The following PAK1 variants were observed in gnomAD, a reference collection of about 807,000 sequenced individuals.
The protein encoded by PAK1 is p21 (RAC1) activated kinase 1.
Under a neutral mutation model 67.4 loss-of-function variants are expected in PAK1, and 29 were observed. The observed-to-expected ratio is 0.43, with a 90% confidence interval of 0.32 to 0.59. PAK1 has a LOEUF of 0.59. Among genes scored for constraint, PAK1 ranks in the 20% least tolerant of loss-of-function variants. PAK1 has a pLI of 0.07. For synonymous variants in PAK1, 223 were observed against 237.4 expected (o/e 0.94, Z 0.56); for missense variants, 337 against 670.7 (o/e 0.50, Z 5.50).
intron 9 of PAK1, among the ~76,000 whole-genome samples, chr11:77,346,872 C>T (rs1043413874): frequency 1.3e-5 from 2 of 152,214 alleles, no homozygotes; most frequent in Admixed American, 1.3e-4. Flanking sequence ...AAGCCTCTTC[C>T]AGTCTGTTCT....
At chr11:77,428,334 C>T (rs990093357) in intron 1 of PAK1, among the ~76,000 whole-genome samples, 7 of 151,952 alleles carry the variant, frequency 4.6e-5, no homozygotes, top group South Asian at 2.1e-4. Flanking sequence ...GAGACCGAGG[C>T]GGGCAGATCA....
intron 14 of PAK1, among the ~76,000 whole-genome samples, chr11:77,329,871 A>G (rs961715429): frequency 2.0e-5 from 3 of 152,246 alleles, no homozygotes; most frequent in African/African-American, 7.2e-5. Context: ...ACATGATTGT[A>G]TATTTAGAAA....
At chr11:77,402,036 G>A (rs1952765539) in intron 1 of PAK1, among the ~76,000 whole-genome samples, 1 of 152,076 alleles carries the variant, frequency 6.6e-6, no homozygotes, top group Admixed American at 6.5e-5. Flanking sequence ...GAATCAGCCA[G>A]TTTTATTTTT....
intron 5 of PAK1, among the ~76,000 whole-genome samples, chr11:77,365,262 A>AG (rs1947359971): frequency 1.2e-5 from 1 of 86,594 alleles, no homozygotes; most frequent in South Asian, 5.1e-4. Context: ...AAAAAAAAAA[A>AG]AAAAAAGAAA....
chr11:77,431,160 T>C (rs1229839452), intron 1 of PAK1, among the ~76,000 whole-genome samples: 2 of 152,178 alleles, frequency 1.3e-5, no homozygotes, highest in African/African-American at 4.8e-5. Context: ...ATTTATTTAG[T>C]GCATTTTTGC....
rs574527448 is a variant in PAK1 at position 77,453,710 on chromosome 11, T to A, written c.-22+19842A>T. Among the ~76,000 whole-genome samples, 17 of 152,292 alleles carry A rather than the reference T, an allele frequency of 1.1e-4. No homozygotes were observed. In the East Asian group the frequency reaches 2.5e-3, roughly 22 times the overall value. Reference sequence around the variant, plus strand: ...CCCTGTAACAGCCAAATAATTCATATAATGCCCCAGGGTAAGACTGCAGAG... The same window carrying A: ...CCCTGTAACAGCCAAATAATTCATAAAATGCCCCAGGGTAAGACTGCAGAG... On this transcript the variant is annotated intron_variant, in intron 1 of 14. Coordinates refer to ENST00000356341, the MANE Select transcript of PAK1 (RefSeq NM_002576.5).
chr11:77,500,755 G>A, the PAK1 span, among the ~76,000 whole-genome samples: 213 of 152,036 alleles, frequency 1.4e-3, 1 homozygote, highest in Middle Eastern at 3.5e-3. Context: ...GAGGCAGGAG[G>A]ATTGCTTGAG....
In PAK1 at chr11:77,429,056, T is replaced by TAAAAAAAAAAAAA. The variant is rs566874549; in HGVS notation, c.-21-36528_-21-36516dup. Among the ~76,000 whole-genome samples the TAAAAAAAAAAAAA allele has an allele frequency of 7.1e-4, 35 of 48,988 alleles. 7 individuals carry two copies. Among genetic ancestry groups the TAAAAAAAAAAAAA allele is most frequent in the Non-Finnish European group, 8.6e-4 (27 of 31,488 alleles). The allele number at this position is 48,988 out of a possible 152,430, so 32.1% of individuals were successfully genotyped here. On this transcript the variant is annotated intron_variant, in intron 1 of 14. Coordinates refer to ENST00000356341, the MANE Select transcript of PAK1 (RefSeq NM_002576.5). Reference sequence around the variant, plus strand: ...TTGGATTCTAAATGCCATTTAATACTAAAAAAAAAAAAAAAAAAAAAAAAA... The same window carrying TAAAAAAAAAAAAA: ...TTGGATTCTAAATGCCATTTAATACTAAAAAAAAAAAAAAAAAAAAAAAAAAAAAAAAAAAAAA...
intron 1 of PAK1, among the ~76,000 whole-genome samples, chr11:77,429,056 TAAAAA>T (rs566874549): frequency 7.4e-4 from 36 of 48,974 alleles, no homozygotes; most frequent in East Asian, 5.0e-3. Flanking sequence ...CATTTAATAC[TAAAAA>T]AAAAAAAAAA....
intron 1 of PAK1, among the ~76,000 whole-genome samples, chr11:77,464,507 T>G (rs12271542): frequency 0.25 from 37,323 of 152,178 alleles, 5,664 homozygotes; most frequent in South Asian, 0.46. Flanking sequence ...GTATTATTTA[T>G]GAGTGTATCC....
intron 1 of PAK1, among the ~76,000 whole-genome samples, chr11:77,442,779 G>A (rs530562766): frequency 2.6e-5 from 4 of 152,076 alleles, no homozygotes; most frequent in Non-Finnish European, 5.9e-5. Flanking sequence ...AGGTTTCCTG[G>A]GTTAACATCA....
intron 2 of PAK1, among the ~76,000 whole-genome samples, chr11:77,381,138 A>AGTGTGTGTGTGTGT (rs34083265): frequency 2.8e-5 from 4 of 144,368 alleles, no homozygotes; most frequent in African/African-American, 7.7e-5. Flanking sequence ...CTCACCACAG[A>AGTGTGTGTGTGTGT]GTGTGTGTGT....
intron 1 of PAK1, among the ~76,000 whole-genome samples, chr11:77,447,564 G>A (rs1305513848): frequency 1.3e-5 from 2 of 150,870 alleles, no homozygotes; most frequent in Non-Finnish European, 3.0e-5. Context: ...GAAGTCTCGC[G>A]CTCAGGCTGG....
the PAK1 span, among the ~76,000 whole-genome samples, chr11:77,506,748 T>C: frequency 1.3e-5 from 2 of 152,190 alleles, no homozygotes. Flanking sequence ...GATGGACCTA[T>C]GACATACGAT....
upstream of PAK1, chr11:77,474,985 T>C (rs936093480): frequency 1.3e-5 from 2 of 152,230 alleles, no homozygotes; most frequent in South Asian, 2.1e-4. Flanking sequence ...ATATTAGTGA[T>C]AGGACCTTGA....
At chr11:77,420,252 A>C (rs1432095831) in intron 1 of PAK1, among the ~76,000 whole-genome samples, 1 of 152,230 alleles carries the variant, frequency 6.6e-6, no homozygotes, top group Non-Finnish European at 1.5e-5. Flanking sequence ...ACGGTTTAGG[A>C]AACAGTAAAT....
the PAK1 span, among the ~76,000 whole-genome samples, chr11:77,525,161 A>T: frequency 6.7e-6 from 1 of 150,162 alleles, no homozygotes; most frequent in Non-Finnish European, 1.5e-5. Flanking sequence ...CCCGGGCAAC[A>T]TGGCAAAATC....
At chr11:77,519,607 A>T in the PAK1 span, among the ~76,000 whole-genome samples, 6 of 152,118 alleles carry the variant, frequency 3.9e-5, no homozygotes, top group Admixed American at 2.0e-4. Flanking sequence ...TTCATCCCTT[A>T]TTGATCTTTG....
intron 9 of PAK1, among the ~76,000 whole-genome samples, chr11:77,345,888 C>T (rs1944340507): frequency 6.6e-6 from 1 of 152,188 alleles, no homozygotes; most frequent in Non-Finnish European, 1.5e-5. Flanking sequence ...GCTTACGAAC[C>T]ACACAGTGGT....
Sources: allele counts gnomAD v4.1 joint callset (sites outside exome capture counted in the v4.1 genomes callset), GRCh38; gene constraint gnomAD v4.1.1; transcripts MANE v1.5; gene names NCBI Gene and HGNC (gene_info 2026-07-23, HGNC 2026-07-21).